Variants in SYNPR observed in about 807,000 individuals in gnomAD.
SYNPR encodes the protein synaptoporin.
Under a neutral mutation model 32.9 loss-of-function variants are expected in SYNPR, and 23 were observed. That is an observed-to-expected ratio of 0.70 (90% confidence interval 0.50 to 0.99). The LOEUF is 0.99. Among genes scored for constraint, SYNPR ranks in the 50% least tolerant of loss-of-function variants. The pLI is 0.00. For synonymous variants in SYNPR, 146 were observed against 135.9 expected (o/e 1.07, Z -0.52); for missense variants, 318 against 349.3 (o/e 0.91, Z 0.71).
chr3:63,372,983 T>A (rs998407840), intron 2 of SYNPR, among the ~76,000 whole-genome samples: 1 of 152,172 alleles, frequency 6.6e-6, no homozygotes, highest in Non-Finnish European at 1.5e-5. Flanking sequence ...CCTTTGATAA[T>A]GTACTCCCTT....
At chr3:63,466,228 CCTCTCT>C (rs60415902) in intron 2 of SYNPR, among the ~76,000 whole-genome samples, 2 of 148,162 alleles carry the variant, frequency 1.3e-5, no homozygotes, top group South Asian at 4.3e-4. Context: ...TCTAGACGTT[CCTCTCT>C]CTCTCTCTCT....
At chr3:63,263,390 C>T (rs1215190638) in intron 2 of SYNPR, among the ~76,000 whole-genome samples, 2 of 152,168 alleles carry the variant, frequency 1.3e-5, no homozygotes, top group African/African-American at 4.8e-5. Flanking sequence ...TAAGTGCTTA[C>T]TGTGTACTGG....
chr3:63,458,391 G>A (rs186776431), intron 2 of SYNPR, among the ~76,000 whole-genome samples: 2 of 152,234 alleles, frequency 1.3e-5, no homozygotes, highest in Non-Finnish European at 2.9e-5. Context: ...GCCCACTCAT[G>A]TATCTATGGC....
intron 2 of SYNPR, among the ~76,000 whole-genome samples, chr3:63,394,468 A>C (rs1171385758): frequency 6.6e-6 from 1 of 152,208 alleles, no homozygotes; most frequent in Non-Finnish European, 1.5e-5. Context: ...CACAGACATT[A>C]AATGAAACTC....
At chr3:63,333,077 TA>T (rs2087247873) in intron 2 of SYNPR, among the ~76,000 whole-genome samples, 1 of 152,290 alleles carries the variant, frequency 6.6e-6, no homozygotes, top group East Asian at 1.9e-4. Context: ...AGTCATATCC[TA>T]AAAACAGCAT....
chr3:63,605,020 T>G (rs1700097056), intron 4 of SYNPR, among the ~76,000 whole-genome samples: 1 of 152,232 alleles, frequency 6.6e-6, no homozygotes, highest in Admixed American at 6.5e-5. Flanking sequence ...CTTCATTCAT[T>G]CTTTCACTCA....
At chr3:63,201,107 A>G in the SYNPR span, among the ~76,000 whole-genome samples, 8 of 152,342 alleles carry the variant, frequency 5.3e-5, no homozygotes, top group South Asian at 1.5e-3. Context: ...TTCCCTAAAA[A>G]AGAGAAATAA....
intron 2 of SYNPR, among the ~76,000 whole-genome samples, chr3:63,315,060 T>C (rs1009454515): frequency 6.6e-6 from 1 of 152,078 alleles, no homozygotes; most frequent in Non-Finnish European, 1.5e-5. Flanking sequence ...TTTGGGTTTA[T>C]TTCCGGTTTC....
intron 2 of SYNPR, chr3:63,426,595 A>C (rs1699896259): frequency 1.3e-5 from 2 of 152,178 alleles, no homozygotes; most frequent in Non-Finnish European, 1.5e-5. Flanking sequence ...CATACATTGC[A>C]TGTACACAAA....
rs74753641 is a variant in SYNPR, at chr3:63,396,540, C to T, written c.85-84292C>T. 9.9e-3 allele frequency among the ~76,000 whole-genome samples: 1,507 copies of T among 152,274 alleles called. 17 individuals carry two copies. Among genetic ancestry groups the T allele is most frequent in the East Asian group, 0.051 (262 of 5,164 alleles). ...ACATCTTCAGCTGCCAGATTGACAA[C>T]ATCCTTTTTCTTAACATGTCAAGAA... On this transcript the variant is annotated intron_variant, in intron 2 of 5. Transcript: ENST00000478300.
chr3:63,508,637 G>A (rs1701635422), intron 3 of SYNPR, among the ~76,000 whole-genome samples: 1 of 152,080 alleles, frequency 6.6e-6, no homozygotes, highest in African/African-American at 2.4e-5. Context: ...ACGAATCCCA[G>A]GAAAGTAATA....
intron 2 of SYNPR, among the ~76,000 whole-genome samples, chr3:63,341,092 T>G (rs1388974778): frequency 6.6e-6 from 1 of 152,224 alleles, no homozygotes; most frequent in Non-Finnish European, 1.5e-5. Flanking sequence ...TTATGGTCTC[T>G]ATAGTTTTGC....
Position 63,612,908 on chromosome 3 carries a change from CTCTCCTCTCTTCTCT to C in SYNPR, c.601-2301_601-2287del, listed in dbSNP as rs543099495. Among the ~76,000 whole-genome samples the C allele has an allele frequency of 7.7e-3, 1,120 of 145,882 alleles. 7 individuals are homozygous for C. The highest frequency in any genetic ancestry group is 0.012 in the Non-Finnish European group (789 of 66,316). On this transcript the variant is annotated intron_variant, in intron 5 of 5. Coordinates refer to ENST00000478300, the MANE Select transcript of SYNPR (RefSeq NM_001130003.2). Reference sequence around the variant, plus strand: ...CCCTCCCCTCCACTCCCCTCCTCTCCTCTCCTCTCTTCTCTTCTCCTCTCTTCTCCTCTCCTTTTC... The same window carrying C: ...CCCTCCCCTCCACTCCCCTCCTCTCCTCTCCTCTCTTCTCCTCTCCTTTTC...
the SYNPR span, among the ~76,000 whole-genome samples, chr3:63,222,774 C>G: frequency 6.6e-6 from 1 of 152,158 alleles, no homozygotes; most frequent in African/African-American, 2.4e-5. Flanking sequence ...GCCTTGGCCT[C>G]TCAAAGTACT....
upstream of SYNPR, among the ~76,000 whole-genome samples, chr3:63,224,047 G>T (rs1238233769): frequency 6.6e-6 from 1 of 152,180 alleles, no homozygotes; most frequent in Non-Finnish European, 1.5e-5. Flanking sequence ...AGCTAGACTT[G>T]CAAATTGTTT....
Position 63,288,201 on chromosome 3 carries a change from C to T in SYNPR, c.84+9459C>T, listed in dbSNP as rs77691630. On this transcript the variant is annotated intron_variant, in intron 2 of 5. Transcript: ENST00000478300. The stretch of plus-strand genomic sequence containing the variant: ...CAAATTGGTTGCCATAGATCAAATG[C>T]CCACTGCTATCCTGTCACTTGTGGC... Among the ~76,000 whole-genome samples, 3 of 152,270 alleles carry T rather than the reference C, an allele frequency of 2.0e-5. No individual in the cohort carries two copies. The East Asian group carries it at 5.8e-4, about 29-fold the overall frequency.
upstream of SYNPR, among the ~76,000 whole-genome samples, chr3:63,277,952 AT>A (rs1349496620): frequency 1.3e-5 from 2 of 151,988 alleles, no homozygotes; most frequent in Non-Finnish European, 1.5e-5. Context: ...TTATTTTTTT[AT>A]TTTTATGTAT....
chr3:63,225,495 A>G (rs1046015581), upstream of SYNPR, among the ~76,000 whole-genome samples: 5 of 152,318 alleles, frequency 3.3e-5, no homozygotes, highest in Admixed American at 6.5e-5. Flanking sequence ...GTCCCTCAGA[A>G]GAAGGCCCTG....
At chr3:63,320,282 T>G (rs1425605557) in intron 2 of SYNPR, among the ~76,000 whole-genome samples, 2 of 152,120 alleles carry the variant, frequency 1.3e-5, no homozygotes, top group South Asian at 2.1e-4. Flanking sequence ...CTGATTATAA[T>G]TTCTTAAAAT....
Sources: gnomAD v4.1 joint callset for allele counts (sites outside exome capture counted in the v4.1 genomes callset) on GRCh38, gnomAD v4.1.1 for gene constraint, MANE v1.5 for transcripts, NCBI Gene and HGNC (gene_info 2026-07-23, HGNC 2026-07-21) for gene names.